Variants in ATP5F1E observed in about 807,000 individuals in gnomAD.
ATP5F1E encodes the protein ATP synthase F1 subunit epsilon.
Under a neutral mutation model 7.0 loss-of-function variants are expected in ATP5F1E, and 5 were observed. The ratio of observed to expected loss-of-function variants is 0.71; its 90% CI spans 0.37 to 1.49. The LOEUF is 1.49. Among genes scored for constraint, ATP5F1E ranks in the 40% most tolerant of loss-of-function variants. The pLI is 0.03. For synonymous variants in ATP5F1E, 20 were observed against 20.1 expected, an observed-to-expected ratio of 0.99 and a Z score of 0.02; for missense variants, 59 against 57.1, an observed-to-expected ratio of 1.03 and a Z score of -0.11.
At position 59,026,544 on chromosome 20, in the gene ATP5F1E, C is replaced by T. The variant is rs1445888096; in HGVS notation, c.*2301G>A. The T allele has an allele frequency of 6.6e-6, 1 of 152,184 alleles. No individual in the cohort carries two copies. Among genetic ancestry groups the T allele is most frequent in the Admixed American group, 6.5e-5 (1 of 15,288 alleles). 9.4% of individuals were successfully genotyped at this position (152,184 alleles called of 1,614,324 possible). A position where few individuals can be genotyped will look rare whatever the true frequency, so the allele number is the denominator to read the frequency against. ...AAAAAACTTTTGCTGACTTATATTA[C>T]TGTAAAGATTTGTTTGCTCAATAGT... On this transcript the variant is annotated 3_prime_UTR_variant, in exon 3 of 3. Coordinates refer to ENST00000243997, the MANE Select transcript of ATP5F1E (RefSeq NM_006886.4).
chr20:59,031,818 G>A (rs1251819241), intron 1 of ATP5F1E, among the ~76,000 whole-genome samples: 1 of 152,232 alleles, frequency 6.6e-6, no homozygotes, highest in African/African-American at 2.4e-5. Context: ...TGCTAACGGC[G>A]GTCACGTGGA....
At position 59,032,243 on chromosome 20, in the gene ATP5F1E, G is replaced by C. The variant is rs6026648; in HGVS notation, c.9C>G (p.Ala3=). The change falls in exon 1 of 3, where the codon GCC becomes GCG. Residue 3 remains alanine, a synonymous_variant. Transcript: ENST00000243997. ...ACCTGAGTCCAGCCTGTCTCCAGTA[G>C]GCCACCATGCTGTAGCGAAAGCGGA... MV[A]YWRQAGLSYI... is the part of the protein sequence containing the mutation. 9 of 1,600,820 alleles carry C rather than the reference G, an allele frequency of 5.6e-6. No individual in the cohort carries two copies. The highest frequency in any genetic ancestry group is 5.3e-5 in the African/African-American group (4 of 74,822).
In ATP5F1E at chr20:59,032,311, A is replaced by G; in HGVS notation, c.-60T>C. ...GCCAAGACGCCGGCAATGTCGGCTC[A>G]GCCGGGCGGTTCAGCCGCAGGAAGA... is the stretch of plus-strand genomic sequence containing the variant. On this transcript the variant is annotated 5_prime_UTR_variant, in exon 1 of 3. Transcript: ENST00000243997. 2 of 1,570,716 alleles carry G rather than the reference A, an allele frequency of 1.3e-6. No individual in the cohort carries two copies. The highest frequency in any genetic ancestry group is 1.7e-6 in the Non-Finnish European group (2 of 1,157,534).
intron 1 of ATP5F1E, 87 bp from the exon 2 acceptor site, chr20:59,030,516 CTTTT>C: frequency 1.3e-6 from 2 of 1,546,334 alleles, no homozygotes; most frequent in Non-Finnish European, 1.8e-6. Flanking sequence ...TCTTCCTGTA[CTTTT>C]TATTTTGGTT....
rs989318126 is a variant in ATP5F1E, at chr20:59,025,897, C to T, written c.*2948G>A. 7.9e-5 allele frequency: 12 copies of T among 152,200 alleles called. No individual in the cohort carries two copies. The highest frequency in any genetic ancestry group is 2.1e-4 in the South Asian group (1 of 4,832). The allele number at this position is 152,200 out of a possible 1,614,324, so 9.4% of individuals were successfully genotyped here. A position where few individuals can be genotyped will look rare whatever the true frequency, so the allele number is the denominator to read the frequency against. ...TATAACAGGACCAAATACACAAGAG[C>T]GTAATCAAATCATCTGTAACTTCTT... On this transcript the variant is annotated 3_prime_UTR_variant, in exon 3 of 3. Coordinates refer to ENST00000243997, the MANE Select transcript of ATP5F1E (RefSeq NM_006886.4).
At chr20:59,030,140 G>C (rs2092016633) in intron 2 of ATP5F1E, 163 bp downstream of exon 2, 5 of 812,496 alleles carry the variant, frequency 6.2e-6, no homozygotes, top group Non-Finnish European at 9.2e-6. Context: ...TAGGCCAGGG[G>C]ACTTCTATAA....
chr20:59,026,657 A>C lies in ATP5F1E; in HGVS notation c.*2188T>G, dbSNP rs949322432. ...AAATTCCTTTTCTTGAAGCCTAACC[A>C]TCCAGACTGAGTAGTTAAAAATATT... On this transcript the variant is annotated 3_prime_UTR_variant, in exon 3 of 3. Transcript: ENST00000243997. 1.3e-5 allele frequency: 2 copies of C among 152,252 alleles called. No individual in the cohort carries two copies. The highest frequency in any genetic ancestry group is 4.8e-5 in the African/African-American group (2 of 41,466). 9.4% of individuals were successfully genotyped at this position (152,252 alleles called of 1,614,324 possible).
intron 2 of ATP5F1E, chr20:59,029,981 T>G: frequency 3.0e-6 from 1 of 336,816 alleles, no homozygotes; most frequent in Non-Finnish European, 5.8e-6. Context: ...AGTGGGGAGT[T>G]CATCCTCCAA....
intron 2 of ATP5F1E, 42 bp from the exon 3 acceptor site, chr20:59,028,883 G>A (rs2092008760): frequency 6.0e-6 from 1 of 166,758 alleles, no homozygotes; most frequent in South Asian, 2.1e-4. Context: ...CTAGTTCTCT[G>A]TGTTTTCTTA....
intron 1 of ATP5F1E, among the ~76,000 whole-genome samples, chr20:59,031,666 T>A (rs2092031192): frequency 6.6e-6 from 1 of 152,244 alleles, no homozygotes; most frequent in African/African-American, 2.4e-5. Flanking sequence ...ACCTCTCATC[T>A]TTGTGAGGGG....
rs1001991832 is a variant in ATP5F1E, at chr20:59,026,039, G to C, written c.*2806C>G. The C allele has an allele frequency of 6.6e-6, 1 of 152,110 alleles. No homozygotes were observed. Among genetic ancestry groups the C allele is most frequent in the African/African-American group, 2.4e-5 (1 of 41,412 alleles). 9.4% of individuals were successfully genotyped at this position (152,110 alleles called of 1,614,324 possible). On this transcript the variant is annotated 3_prime_UTR_variant, in exon 3 of 3. Coordinates refer to ENST00000243997, the MANE Select transcript of ATP5F1E (RefSeq NM_006886.4). ...ACACTATTTGATCCATGGATAACCG[G>C]TAATGGGAAAATGCTCCGACCCTCA...
intron 1 of ATP5F1E, among the ~76,000 whole-genome samples, chr20:59,030,640 T>C (rs1458036398): frequency 2.0e-5 from 3 of 152,250 alleles, no homozygotes; most frequent in African/African-American, 7.2e-5. Flanking sequence ...AACTGGTGTT[T>C]GGATGGATGA....
rs1017545698 is a variant in ATP5F1E, at chr20:59,032,320, G to A, written c.-69C>T. On this transcript the variant is annotated 5_prime_UTR_variant, in exon 1 of 3. Transcript: ENST00000243997. ...CCGGCAATGTCGGCTCAGCCGGGCG[G>A]TTCAGCCGCAGGAAGATCAGACCAC... 3 of 1,560,004 alleles carry A rather than the reference G, an allele frequency of 1.9e-6. No homozygotes were observed. The highest frequency in any genetic ancestry group is 1.9e-5 in the Admixed American group (1 of 52,266).
In ATP5F1E at chr20:59,027,656, A is replaced by G. The variant is rs1214974554; in HGVS notation, c.*1189T>C. The G allele has an allele frequency of 6.6e-6, 1 of 152,204 alleles. No individual in the cohort carries two copies. The highest frequency in any genetic ancestry group is 1.5e-5 in the Non-Finnish European group (1 of 68,046). The allele number at this position is 152,204 out of a possible 1,614,324, so 9.4% of individuals were successfully genotyped here. A position where few individuals can be genotyped will look rare whatever the true frequency, so the allele number is the denominator to read the frequency against. On this transcript the variant is annotated 3_prime_UTR_variant, in exon 3 of 3. Coordinates refer to ENST00000243997, the MANE Select transcript of ATP5F1E (RefSeq NM_006886.4). ...AACTGAGGTGCCCTAACTTGCCAAC[A>G]GCAGGATGACAGCTCCGAGGCGGAG... is the stretch of plus-strand genomic sequence containing the variant.
intron 1 of ATP5F1E, 31 bp downstream of exon 1, chr20:59,032,189 G>C (rs1259215007): frequency 6.4e-7 from 1 of 1,557,160 alleles, no homozygotes; most frequent in Admixed American, 1.9e-5. Flanking sequence ...GCCGGCTCGC[G>C]AAGCCCTTCC....
chr20:59,030,244 T>C lies in ATP5F1E; in HGVS notation c.*3+59A>G. The C allele has an allele frequency of 1.9e-6, 3 of 1,602,188 alleles. No individual in the cohort carries two copies. The South Asian group carries it at 3.3e-5, about 18-fold the overall frequency. On this transcript the variant is annotated intron_variant, in intron 2 of 2. Coordinates refer to ENST00000243997, the MANE Select transcript of ATP5F1E (RefSeq NM_006886.4). ...ACCCAAAACTAAAATTATTTTGATC[T>C]TTATGGTGCTCCAAAAACTTAAGAT...
chr20:59,030,059 T>A, intron 2 of ATP5F1E: 1 of 398,208 alleles, frequency 2.5e-6, no homozygotes, highest in Non-Finnish European at 4.7e-6. Context: ...ACCTAAGCAT[T>A]GCTAAATGAA....
intron 1 of ATP5F1E, among the ~76,000 whole-genome samples, chr20:59,030,720 A>G (rs2092022003): frequency 6.6e-6 from 1 of 152,230 alleles, no homozygotes; most frequent in South Asian, 2.1e-4. Flanking sequence ...AAGATGCATA[A>G]ATGTTTTTAA....
rs2092005684 is a variant in ATP5F1E at position 59,028,379 on chromosome 20, T to A, written c.*466A>T. ...AGTATTTCTTCTTCTAATCTACACT[T>A]TTAGTATTTAATAATTATTTCCATT... On this transcript the variant is annotated 3_prime_UTR_variant, in exon 3 of 3. Transcript: ENST00000243997. 1 of 152,244 alleles carries A rather than the reference T, an allele frequency of 6.6e-6. No individual in the cohort carries two copies. The highest frequency in any genetic ancestry group is 1.5e-5 in the Non-Finnish European group (1 of 68,032). The allele number at this position is 152,244 out of a possible 1,614,324, so 9.4% of individuals were successfully genotyped here. A position where few individuals can be genotyped will look rare whatever the true frequency, so the allele number is the denominator to read the frequency against.
Sources: allele counts gnomAD v4.1 joint callset (sites outside exome capture counted in the v4.1 genomes callset), GRCh38; gene constraint gnomAD v4.1.1; transcripts MANE v1.5; gene names NCBI Gene and HGNC (gene_info 2026-07-23, HGNC 2026-07-21).